The following TOP3A variants were observed in gnomAD, a reference collection of about 807,000 sequenced individuals.
TOP3A encodes the protein DNA topoisomerase 3-alpha.
TOP3A carries 64 observed loss-of-function variants against 111.3 expected under a neutral mutation model. That is an observed-to-expected ratio of 0.57 (90% CI 0.47 to 0.71). TOP3A has a LOEUF of 0.71. TOP3A is among the 30% of genes least tolerant of loss of function. The pLI, the probability that TOP3A is intolerant of heterozygous loss-of-function variation, is 0.00. For synonymous variants in TOP3A, 484 were observed against 485.1 expected (o/e 1.00, Z 0.03); for missense variants, 1,104 against 1,285.0 (o/e 0.86, Z 2.15).
At position 18,308,358 on chromosome 17, in the gene TOP3A, G is replaced by T; in HGVS notation, c.307C>A (p.Arg103=). 6.3e-7 allele frequency: 1 copy of T among 1,595,532 alleles called. No individual in the cohort carries two copies. Among genetic ancestry groups the T allele is most frequent in the Non-Finnish European group, 8.6e-7 (1 of 1,169,124 alleles). Residue 103 remains arginine, a synonymous_variant, in exon 3 of 19, where the codon CGA becomes AGA. Coordinates refer to ENST00000321105, the MANE Select transcript of TOP3A (RefSeq NM_004618.5). ...LLAHDFQMQF[R]KWQSCNPLVL... is the part of the protein sequence containing the mutation. Reference sequence around the variant, plus strand: ...CTTGAGAATTGTACTGACCATTTTCGAAACTGCATCTGGAAATCATGAGCC... The same window carrying T: ...CTTGAGAATTGTACTGACCATTTTCTAAACTGCATCTGGAAATCATGAGCC...
At position 18,272,828 on chromosome 17, in the gene TOP3A, G is replaced by A. The variant is rs930518060; in HGVS notation, c.*1974C>T. On this transcript the variant is annotated 3_prime_UTR_variant, in exon 19 of 19. Coordinates refer to ENST00000321105, the MANE Select transcript of TOP3A (RefSeq NM_004618.5). ...CTGACACCACGCCCGGCTAATTTTT[G>A]TATTTTTTTAGAGACGGGGTTTCAT... 2 of 151,874 alleles carry A rather than the reference G, an allele frequency of 1.3e-5. No homozygotes were observed. The highest frequency in any genetic ancestry group is 2.4e-5 in the African/African-American group (1 of 41,322). The allele number at this position is 151,874 out of a possible 1,614,324, so 9.4% of individuals were successfully genotyped here.
At position 18,272,547 on chromosome 17, in the gene TOP3A, T is replaced by C. The variant is rs1453996597; in HGVS notation, c.*2255A>G. Among the ~76,000 whole-genome samples the C allele has an allele frequency of 6.6e-6, 1 of 152,158 alleles. No individual in the cohort carries two copies. The highest frequency in any genetic ancestry group is 1.5e-5 in the Non-Finnish European group (1 of 68,038). On this transcript the variant is annotated 3_prime_UTR_variant, in exon 19 of 19. Transcript: ENST00000321105. ...CAATGTCCATCAACTGACAAATGGA[T>C]AATCGTGTGGTATATTCATACAGTG...
At chr17:18,304,398 G>C (rs1241303993) in intron 5 of TOP3A, among the ~76,000 whole-genome samples, 1 of 152,206 alleles carries the variant, frequency 6.6e-6, no homozygotes, top group Non-Finnish European at 1.5e-5. Flanking sequence ...CACTGTCCTT[G>C]AAAGTTAATG....
intron 18 of TOP3A, among the ~76,000 whole-genome samples, chr17:18,277,015 T>C (rs938636752): frequency 6.6e-5 from 10 of 151,844 alleles, no homozygotes; most frequent in Non-Finnish European, 1.3e-4. Flanking sequence ...GAAACCCCCG[T>C]CTCTACTAAA....
intron 9 of TOP3A, among the ~76,000 whole-genome samples, chr17:18,297,879 C>T (rs1452783387): frequency 5.2e-4 from 78 of 151,312 alleles, no homozygotes; most frequent in African/African-American, 1.6e-3. Context: ...TCTGCCCAGC[C>T]GCCCATCGTC....
chr17:18,278,749 G>A (rs1309828614), intron 17 of TOP3A, among the ~76,000 whole-genome samples: 1 of 152,166 alleles, frequency 6.6e-6, no homozygotes, highest in Non-Finnish European at 1.5e-5. Context: ...GGAGGCTGAG[G>A]CGGGCGGATC....
In TOP3A at chr17:18,285,130, T is replaced by C. The variant is rs1370219006; in HGVS notation, c.1877+12A>G. 1 of 1,612,556 alleles carries C rather than the reference T, an allele frequency of 6.2e-7. No individual in the cohort carries two copies. The highest frequency in any genetic ancestry group is 1.7e-5 in the Admixed American group (1 of 60,004). On this transcript the variant is annotated intron_variant, in intron 15 of 18. Coordinates refer to ENST00000321105, the MANE Select transcript of TOP3A (RefSeq NM_004618.5). The stretch of plus-strand genomic sequence containing the variant: ...ATAGTGAGACCCCTCTGTATTTCTT[T>C]TAAGGACTTACTTCTTTGCTTTAGC...
At chr17:18,307,929 AAC>A (rs1166711302) in intron 3 of TOP3A, among the ~76,000 whole-genome samples, 1 of 147,450 alleles carries the variant, frequency 6.8e-6, no homozygotes, top group African/African-American at 2.6e-5. Flanking sequence ...AAAAAAAAAA[AAC>A]CGGGCATGGT....
chr17:18,314,631 C>G lies in TOP3A; in HGVS notation c.148G>C (p.Ala50Pro). The G allele has an allele frequency of 6.2e-7, 1 of 1,611,828 alleles. No homozygotes were observed. Among genetic ancestry groups the G allele is most frequent in the Non-Finnish European group, 8.5e-7 (1 of 1,178,916 alleles). ...ATGCGACCGTTTGACAGCAGGTCGG[C>G]GATCCCCTTGGCCGCGTCGTTTTTT... is the stretch of plus-strand genomic sequence containing the variant. ...AEKNDAAKGIADLLSNGRMRR... is the reference protein window; with the variant it reads ...AEKNDAAKGIPDLLSNGRMRR... Residue 50 changes from alanine to proline, a missense_variant, in exon 1 of 19, where the codon GCC (alanine) becomes CCC (proline). Coordinates refer to ENST00000321105, the MANE Select transcript of TOP3A (RefSeq NM_004618.5).
intron 9 of TOP3A, among the ~76,000 whole-genome samples, chr17:18,297,062 A>G (rs991789060): frequency 3.9e-5 from 6 of 152,258 alleles, no homozygotes; most frequent in Non-Finnish European, 1.5e-5. Flanking sequence ...TGGTGAAGCC[A>G]TAGGTTGTCT....
At chr17:18,290,456 C>G in intron 13 of TOP3A, 101 bp downstream of exon 13, 2 of 1,287,026 alleles carry the variant, frequency 1.6e-6, no homozygotes, top group Non-Finnish European at 2.1e-6. Context: ...AAAGATATAG[C>G]AGCTGCATTA....
chr17:18,314,262 G>A (rs1246865463), intron 1 of TOP3A, among the ~76,000 whole-genome samples: 3 of 152,190 alleles, frequency 2.0e-5, no homozygotes, highest in African/African-American at 4.8e-5. Context: ...AATCTCTAGG[G>A]AAAAACAGTA....
chr17:18,291,076 A>G, intron 11 of TOP3A, 49 bp from the exon 12 acceptor site: 14 of 1,578,088 alleles, frequency 8.9e-6, no homozygotes, highest in Non-Finnish European at 1.2e-5. Context: ...ATCACCTCTC[A>G]AGGACAGGAG....
At position 18,296,315 on chromosome 17, in the gene TOP3A, G is replaced by C. The variant is rs535503381; in HGVS notation, c.991-1530C>G. ...AAATCAATGCAGCTGGGCACGGTGG[G>C]TCATGCCTCTAATCCCAGCACTTTG... is the stretch of plus-strand genomic sequence containing the variant. On this transcript the variant is annotated intron_variant, in intron 9 of 18. Transcript: ENST00000321105. 2.6e-5 allele frequency among the ~76,000 whole-genome samples: 4 copies of C among 152,046 alleles called. No individual in the cohort carries two copies. The East Asian group carries it at 7.8e-4, about 30-fold the overall frequency.
Position 18,292,662 on chromosome 17 carries a change from A to G in TOP3A, c.1264T>C (p.Tyr422His), listed in dbSNP as rs748782837. ...QAHPPIHPTK[Y>H]TNNLQGDEQR... ...AAACCAACCTGTAAGTTGTTGGTGT[A>G]TTTGGTGGGGTGAATGGGAGGGTGA... Residue 422 changes from tyrosine to histidine, a missense_variant, in exon 11 of 19, where the codon TAC (tyrosine) becomes CAC (histidine). By Grantham distance (83) the Tyr-to-His change is moderately conservative. Transcript: ENST00000321105. The G allele has an allele frequency of 1.3e-6, 2 of 1,578,316 alleles. No individual in the cohort carries two copies. Among genetic ancestry groups the G allele is most frequent in the Admixed American group, 3.6e-5 (2 of 56,316 alleles).
chr17:18,277,466 T>TG (rs1197584344), intron 18 of TOP3A, among the ~76,000 whole-genome samples: 1 of 152,260 alleles, frequency 6.6e-6, no homozygotes, highest in Non-Finnish European at 1.5e-5. Context: ...ACACCATTAC[T>TG]GGTAGCTACC....
intron 9 of TOP3A, among the ~76,000 whole-genome samples, chr17:18,297,107 G>GTT (rs1980857584): frequency 6.6e-6 from 1 of 152,186 alleles, no homozygotes; most frequent in Non-Finnish European, 1.5e-5. Flanking sequence ...ATACAATGCA[G>GTT]TTATATTGCA....
In TOP3A at chr17:18,274,721, G is replaced by A. The variant is rs1025168681; in HGVS notation, c.*81C>T. The A allele has an allele frequency of 2.0e-6, 3 of 1,533,274 alleles. No individual in the cohort carries two copies. In the Admixed American group the frequency reaches 6.2e-5, roughly 32 times the overall value. The allele number at this position is 1,533,274 out of a possible 1,614,324, so 95.0% of individuals were successfully genotyped here. On this transcript the variant is annotated 3_prime_UTR_variant, in exon 19 of 19. Coordinates refer to ENST00000321105, the MANE Select transcript of TOP3A (RefSeq NM_004618.5). ...CTCTAAGTTTCCAGGACACTAAATG[G>A]CCACTTGGTCCTGGTTAACTCATTT...
Position 18,285,215 on chromosome 17 carries a change from TG to T in TOP3A, c.1803del (p.Asp601GlufsTer6). 6.2e-7 allele frequency: 1 copy of T among 1,614,220 alleles called. No individual in the cohort carries two copies. Among genetic ancestry groups the T allele is most frequent in the African/African-American group, 1.3e-5 (1 of 75,052 alleles). On this transcript the variant is annotated frameshift_variant, in exon 15 of 19. Coordinates refer to ENST00000321105, the MANE Select transcript of TOP3A (RefSeq NM_004618.5). LOFTEE classifies it high-confidence loss of function. ...ACTTGCTGCCTTAGAACCACAAATT[TG>T]TCCTTTTTGCCATCACAGATCAGCT... ...DLKLICDGKKDKFVVLRQQVQ... is the reference protein window; with the variant it reads ...DLKLICDGKKXKFVVLRQQVQ...
Sources: allele counts gnomAD v4.1 joint callset (sites outside exome capture counted in the v4.1 genomes callset), GRCh38; gene constraint gnomAD v4.1.1; transcripts MANE v1.5; gene names NCBI Gene and HGNC (gene_info 2026-07-23, HGNC 2026-07-21).